Variants in CFAP299 observed in about 807,000 individuals in gnomAD.
The protein encoded by CFAP299 is cilia- and flagella-associated protein 299.
A neutral mutation model predicts 27.0 loss-of-function variants in CFAP299; 21 were observed. That is an observed-to-expected ratio of 0.78 (90% CI 0.55 to 1.12). The LOEUF is 1.12. Ranked by LOEUF, CFAP299 falls within the 50% of genes most tolerant of loss-of-function variation. CFAP299 has a pLI of 0.00. For synonymous variants in CFAP299, 104 were observed against 98.1 expected, an observed-to-expected ratio of 1.06 and a Z score of -0.36; for missense variants, 310 against 276.6, an observed-to-expected ratio of 1.12 and a Z score of -0.86.
intron 2 of CFAP299, among the ~76,000 whole-genome samples, chr4:80,492,208 T>G (rs887829296): frequency 6.6e-6 from 1 of 152,226 alleles, no homozygotes; most frequent in Non-Finnish European, 1.5e-5. Flanking sequence ...TGATGTCTCA[T>G]GCCTCTCTAA....
At chr4:80,703,123 G>A (rs956058126) in intron 3 of CFAP299, among the ~76,000 whole-genome samples, 2 of 151,666 alleles carry the variant, frequency 1.3e-5, no homozygotes, top group African/African-American at 4.8e-5. Context: ...GTGACATCTT[G>A]CTTGCTAAAT....
intron 2 of CFAP299, among the ~76,000 whole-genome samples, chr4:80,399,043 C>A (rs879297624): frequency 3.2e-4 from 23 of 72,864 alleles, no homozygotes; most frequent in Non-Finnish European, 7.2e-4. Context: ...TATGAACAGA[C>A]ACTTCTCAAA....
chr4:80,499,082 C>T (rs1689209025), intron 2 of CFAP299, among the ~76,000 whole-genome samples: 1 of 151,888 alleles, frequency 6.6e-6, no homozygotes, highest in African/African-American at 2.4e-5. Context: ...CAATAGATTC[C>T]AGGGCCTACT....
chr4:80,598,504 C>T (rs1163325514), intron 3 of CFAP299, among the ~76,000 whole-genome samples: 1 of 152,106 alleles, frequency 6.6e-6, no homozygotes, highest in African/African-American at 2.4e-5. Flanking sequence ...AATATCAAAA[C>T]AGCAATTAAC....
intron 3 of CFAP299, among the ~76,000 whole-genome samples, chr4:80,732,710 T>C (rs942986010): frequency 5.3e-5 from 8 of 152,176 alleles, no homozygotes; most frequent in African/African-American, 1.9e-4. Context: ...GGCATTGTTA[T>C]TTTCTACATT....
intron 2 of CFAP299, among the ~76,000 whole-genome samples, chr4:80,533,183 A>T (rs965624632): frequency 1.3e-5 from 2 of 152,232 alleles, no homozygotes; most frequent in Non-Finnish European, 2.9e-5. Flanking sequence ...ACTCGTTAGA[A>T]ATATTAAATC....
intron 3 of CFAP299, among the ~76,000 whole-genome samples, chr4:80,834,532 A>G (rs1730460275): frequency 6.6e-6 from 1 of 152,212 alleles, no homozygotes; most frequent in African/African-American, 2.4e-5. Flanking sequence ...TTGTGACTAA[A>G]GGAGTTTTCA....
chr4:80,597,879 G>C (rs897783586), intron 3 of CFAP299, among the ~76,000 whole-genome samples: 1 of 152,088 alleles, frequency 6.6e-6, no homozygotes, highest in Non-Finnish European at 1.5e-5. Context: ...TGGATACTGG[G>C]TTTTGCCATG....
At chr4:80,916,293 A>T (rs1324579619) in intron 4 of CFAP299, among the ~76,000 whole-genome samples, 1 of 126,644 alleles carries the variant, frequency 7.9e-6, no homozygotes, top group Non-Finnish European at 1.6e-5. Context: ...ATATATATAT[A>T]TATTTCAGGT....
At chr4:80,809,351 CA>C (rs1336891664) in intron 3 of CFAP299, among the ~76,000 whole-genome samples, 6 of 152,084 alleles carry the variant, frequency 3.9e-5, no homozygotes, top group African/African-American at 1.4e-4. Flanking sequence ...ATCTAGGGGA[CA>C]AAAGGTGAAA....
chr4:80,694,924 C>T (rs1720990896), intron 3 of CFAP299, among the ~76,000 whole-genome samples: 1 of 152,122 alleles, frequency 6.6e-6, no homozygotes. Flanking sequence ...AGATGATTCT[C>T]CATAACCTGA....
chr4:80,724,685 G>C (rs879667480), intron 3 of CFAP299, among the ~76,000 whole-genome samples: 1 of 151,780 alleles, frequency 6.6e-6, no homozygotes, highest in Admixed American at 6.6e-5. Context: ...TGCACCCTCG[G>C]AAAGTCACTT....
At chr4:80,749,485 G>A (rs1724812830) in intron 3 of CFAP299, among the ~76,000 whole-genome samples, 1 of 152,166 alleles carries the variant, frequency 6.6e-6, no homozygotes, top group Non-Finnish European at 1.5e-5. Context: ...ATATCACAAG[G>A]TGAAGTCCCA....
chr4:80,621,496 T>C (rs1458891584), intron 3 of CFAP299, among the ~76,000 whole-genome samples: 1 of 151,494 alleles, frequency 6.6e-6, no homozygotes, highest in Non-Finnish European at 1.5e-5. Flanking sequence ...TCTGACACAA[T>C]ATCATTTGTT....
intron 3 of CFAP299, among the ~76,000 whole-genome samples, chr4:80,855,274 T>A (rs78822358): frequency 0.028 from 4,296 of 152,260 alleles, 210 homozygotes; most frequent in African/African-American, 0.097. Flanking sequence ...CATTGATCTA[T>A]ATTCATCACT....
At chr4:80,458,068 G>A (rs1729253355) in intron 2 of CFAP299, among the ~76,000 whole-genome samples, 1 of 151,844 alleles carries the variant, frequency 6.6e-6, no homozygotes, top group Admixed American at 6.6e-5. Flanking sequence ...GATTCTCACA[G>A]CTCTGAATGC....
intron 3 of CFAP299, among the ~76,000 whole-genome samples, chr4:80,756,259 T>C (rs1237710965): frequency 6.6e-6 from 1 of 152,150 alleles, no homozygotes; most frequent in Admixed American, 6.5e-5. Flanking sequence ...GTTTGACTGG[T>C]TACCTTTGCA....
At chr4:80,477,061 C>CT (rs967313460) in intron 2 of CFAP299, among the ~76,000 whole-genome samples, 4 of 151,660 alleles carry the variant, frequency 2.6e-5, no homozygotes, top group Non-Finnish European at 4.4e-5. Context: ...ATCTCTGCTT[C>CT]TTTTTTTTGA....
chr4:80,514,699 T>A lies in CFAP299; in HGVS notation c.243-68394T>A, dbSNP rs1732496488. On this transcript the variant is annotated intron_variant, in intron 2 of 5. Transcript: ENST00000358105. ...TCTTTCTCTGCTGTTCTCCCTCTTT[T>A]CTCCTGGTTTTACCTGCTCTTTGAA... Among the ~76,000 whole-genome samples, 3 of 152,070 alleles carry A rather than the reference T, an allele frequency of 2.0e-5. 1 individual carries two copies. In the South Asian group the frequency reaches 6.2e-4, roughly 31 times the overall value.
Sources: allele counts gnomAD v4.1 joint callset (sites outside exome capture counted in the v4.1 genomes callset), GRCh38; gene constraint gnomAD v4.1.1; transcripts MANE v1.5; gene names NCBI Gene and HGNC (gene_info 2026-07-23, HGNC 2026-07-21).